Variants in ZC3H12B observed in about 807,000 individuals in gnomAD.
ZC3H12B encodes probable ribonuclease ZC3H12B.
A neutral mutation model predicts 43.9 loss-of-function variants in ZC3H12B; 7 were observed. The ratio of observed to expected loss-of-function variants is 0.16; its 90% confidence interval spans 0.09 to 0.30. The LOEUF is 0.30. ZC3H12B is among the 10% of genes least tolerant of loss of function. The pLI is 1.00. For synonymous variants in ZC3H12B, 222 were observed against 241.7 expected (o/e 0.92, Z 0.76); for missense variants, 475 against 670.2 (o/e 0.71, Z 3.22).
At chrX:65,084,060 A>G in the ZC3H12B span, among the ~76,000 whole-genome samples, 125 of 112,166 alleles carry the variant, frequency 1.1e-3, no homozygotes, top group Non-Finnish European at 1.7e-3. Context: ...ATCCATATGC[A>G]GAAGAATGAA....
chrX:65,333,500 T>C, the ZC3H12B span, among the ~76,000 whole-genome samples: 1 of 112,043 alleles, frequency 8.9e-6, no homozygotes, highest in Non-Finnish European at 1.9e-5. Flanking sequence ...AAAAAAGTTT[T>C]CTTGACTGAA....
chrX:65,319,074 C>T, the ZC3H12B span, among the ~76,000 whole-genome samples: 1 of 110,957 alleles, frequency 9.0e-6, no homozygotes, highest in Non-Finnish European at 1.9e-5. Flanking sequence ...AAGAAATAAC[C>T]AAAATCAGAG....
chrX:65,402,550 G>A (rs1025459372), intron 3 of ZC3H12B, among the ~76,000 whole-genome samples: 2 of 111,961 alleles, frequency 1.8e-5, no homozygotes, highest in African/African-American at 3.3e-5. Context: ...GACCCAGCAC[G>A]GTCCTAGTCC....
chrX:65,299,484 G>A, the ZC3H12B span, among the ~76,000 whole-genome samples: 10 of 112,097 alleles, frequency 8.9e-5, no homozygotes, highest in African/African-American at 2.6e-4. Context: ...ACATTCAAAA[G>A]TCATTAATGT....
the ZC3H12B span, among the ~76,000 whole-genome samples, chrX:65,159,917 A>T: frequency 9.0e-6 from 1 of 111,660 alleles, no homozygotes; most frequent in African/African-American, 3.3e-5. Context: ...GATAGCTCTC[A>T]TTATTTTGAG....
the ZC3H12B span, among the ~76,000 whole-genome samples, chrX:65,231,240 A>C: frequency 9.9e-5 from 11 of 111,118 alleles, no homozygotes; most frequent in Non-Finnish European, 1.3e-4. Context: ...CACAGAGATC[A>C]CATGCTTCAA....
chrX:65,390,705 G>A (rs1569390510), intron 2 of ZC3H12B, among the ~76,000 whole-genome samples: 1 of 100,603 alleles, frequency 9.9e-6, no homozygotes, highest in African/African-American at 3.8e-5. Context: ...AGACATAATC[G>A]GCACTATGGA....
the ZC3H12B span, among the ~76,000 whole-genome samples, chrX:65,250,958 A>C: frequency 9.0e-6 from 1 of 111,394 alleles, no homozygotes; most frequent in East Asian, 2.8e-4. Context: ...CCCATTTGTC[A>C]ATTTTGGCTT....
the ZC3H12B span, among the ~76,000 whole-genome samples, chrX:65,166,386 A>G: frequency 9.0e-6 from 1 of 111,508 alleles, no homozygotes; most frequent in Non-Finnish European, 1.9e-5. Flanking sequence ...ATCGTTTTTT[A>G]TGGCTGCATA....
At chrX:65,395,438 G>T (rs1039279038) in intron 2 of ZC3H12B, among the ~76,000 whole-genome samples, 4 of 112,167 alleles carry the variant, frequency 3.6e-5, no homozygotes, top group African/African-American at 9.7e-5. Context: ...TTTTGTCAAA[G>T]GCCTTTTCTG....
At chrX:65,348,590 C>T in the ZC3H12B span, among the ~76,000 whole-genome samples, 5 of 109,555 alleles carry the variant, frequency 4.6e-5, no homozygotes, top group Admixed American at 4.9e-4. Context: ...GAGTCAAGAC[C>T]CATCAGTGTC....
the ZC3H12B span, among the ~76,000 whole-genome samples, chrX:65,197,836 T>C: frequency 3.6e-5 from 4 of 111,965 alleles, no homozygotes; most frequent in Admixed American, 1.9e-4. Context: ...ATTCTGGTCT[T>C]GGGAACTTTT....
At chrX:65,269,890 T>C in the ZC3H12B span, among the ~76,000 whole-genome samples, 3 of 111,543 alleles carry the variant, frequency 2.7e-5, no homozygotes, top group Admixed American at 9.5e-5. Flanking sequence ...AAAGAAGGCA[T>C]GAATAAATGG....
the ZC3H12B span, among the ~76,000 whole-genome samples, chrX:65,049,118 G>T: frequency 5.4e-5 from 6 of 110,683 alleles, no homozygotes. Context: ...CCATTCCGTG[G>T]GTTTCCTTTA....
chrX:65,258,611 G>A, the ZC3H12B span, among the ~76,000 whole-genome samples: 2 of 111,646 alleles, frequency 1.8e-5, no homozygotes, highest in Admixed American at 9.5e-5. Context: ...TAAATAGGAA[G>A]AGAGGAAGTC....
the ZC3H12B span, among the ~76,000 whole-genome samples, chrX:65,211,730 A>T: frequency 1.2e-5 from 1 of 85,299 alleles, no homozygotes; most frequent in Non-Finnish European, 2.2e-5. Context: ...ATTTTTATGT[A>T]ATAATATATA....
At chrX:65,111,151 A>G in the ZC3H12B span, among the ~76,000 whole-genome samples, 2 of 111,055 alleles carry the variant, frequency 1.8e-5, no homozygotes, top group Admixed American at 9.6e-5. Flanking sequence ...GATTTTCTAC[A>G]TAGACGGTAT....
the ZC3H12B span, among the ~76,000 whole-genome samples, chrX:65,213,378 C>G: frequency 9.0e-6 from 1 of 111,073 alleles, no homozygotes; most frequent in South Asian, 3.7e-4. Context: ...TTATGTGTCC[C>G]AATACTCTGT....
the ZC3H12B span, among the ~76,000 whole-genome samples, chrX:65,252,498 A>T: frequency 8.9e-6 from 1 of 111,855 alleles, no homozygotes; most frequent in African/African-American, 3.3e-5. Context: ...AAATACTATT[A>T]TTACCCCCTT....
Sources: allele counts gnomAD v4.1 joint callset (sites outside exome capture counted in the v4.1 genomes callset), GRCh38; gene constraint gnomAD v4.1.1; transcripts MANE v1.5; gene names NCBI Gene and HGNC (gene_info 2026-07-23, HGNC 2026-07-21).